ARIH2: variants seen among roughly 807,000 people sequenced by gnomAD.
ARIH2 encodes the protein ariadne RBR E3 ubiquitin protein ligase 2.
In ARIH2, 12 loss-of-function variants were observed where a neutral mutation model predicts 79.8. The observed-to-expected ratio is 0.15, with a 90% CI of 0.10 to 0.24. The LOEUF (loss-of-function observed/expected upper bound fraction) is 0.24. Among genes scored for constraint, ARIH2 ranks in the 10% least tolerant of loss-of-function variants. The pLI is 1.00. For synonymous variants in ARIH2, 224 were observed against 213.9 expected (o/e 1.05, Z -0.41); for missense variants, 301 against 618.3 (o/e 0.49, Z 5.44).
chr3:48,919,284 T>C, intron 1 of ARIH2: 1 of 1,094,740 alleles, frequency 9.1e-7, no homozygotes, highest in Non-Finnish European at 1.2e-6. Flanking sequence ...TCTCTCCCTG[T>C]CTGGCGCGGC....
intron 2 of ARIH2, among the ~76,000 whole-genome samples, chr3:48,923,355 G>A (rs1013016049): frequency 2.6e-5 from 4 of 151,014 alleles, no homozygotes; most frequent in Non-Finnish European, 4.4e-5. Context: ...AGCTGAGATC[G>A]TGCCACTGCA....
intron 3 of ARIH2, among the ~76,000 whole-genome samples, chr3:48,946,019 G>A (rs1295831310): frequency 6.6e-6 from 1 of 152,146 alleles, no homozygotes; most frequent in Non-Finnish European, 1.5e-5. Context: ...TTTGATTTCA[G>A]TTCTCTAGTC....
At chr3:48,942,969 G>C (rs760928318) in intron 3 of ARIH2, among the ~76,000 whole-genome samples, 3 of 151,730 alleles carry the variant, frequency 2.0e-5, no homozygotes, top group Non-Finnish European at 4.4e-5. Flanking sequence ...TGTATTTATG[G>C]GGTTTCACCA....
chr3:48,976,792 A>G (rs2092525622), intron 11 of ARIH2, among the ~76,000 whole-genome samples: 2 of 152,218 alleles, frequency 1.3e-5, no homozygotes, highest in Non-Finnish European at 2.9e-5. Flanking sequence ...CTTGACACCC[A>G]GAGTTCACTG....
chr3:48,959,480 T>C (rs1162811217), intron 3 of ARIH2, among the ~76,000 whole-genome samples: 4 of 151,280 alleles, frequency 2.6e-5, no homozygotes, highest in Non-Finnish European at 4.4e-5. Context: ...AGAAGAAATA[T>C]CAGCCATAAT....
intron 3 of ARIH2, 139 bp from the exon 4 acceptor site, chr3:48,961,473 G>A (rs2091255924): frequency 5.7e-6 from 3 of 526,164 alleles, no homozygotes; most frequent in Non-Finnish European, 6.9e-6. Context: ...AAAAGACAAA[G>A]CAGAGAACCA....
intron 3 of ARIH2, chr3:48,935,040 A>C: frequency 1.4e-6 from 1 of 713,910 alleles, no homozygotes; most frequent in Non-Finnish European, 1.7e-6. Context: ...ACAGTATTTA[A>C]GAAAATAATA....
In ARIH2 at chr3:48,918,886, A is replaced by G. The variant is rs2084284356; in HGVS notation, c.-274A>G. The G allele has an allele frequency of 1.2e-6, 2 of 1,605,922 alleles. No homozygotes were observed. The highest frequency in any genetic ancestry group is 1.1e-5 in the South Asian group (1 of 90,718). Reference sequence around the variant, plus strand: ...TTCTGGAGGAAGCAGCGCGGGCTTGACCGGCGTCGGCCCGCCGCCTCCGCT... The same window carrying G: ...TTCTGGAGGAAGCAGCGCGGGCTTGGCCGGCGTCGGCCCGCCGCCTCCGCT... On this transcript the variant is annotated 5_prime_UTR_variant, in exon 1 of 16. Transcript: ENST00000356401.
intron 3 of ARIH2, among the ~76,000 whole-genome samples, chr3:48,934,030 A>G (rs1433834469): frequency 6.6e-6 from 1 of 152,132 alleles, no homozygotes; most frequent in Non-Finnish European, 1.5e-5. Context: ...TTTTTTTAAA[A>G]ATCTGGTGTT....
intron 3 of ARIH2, among the ~76,000 whole-genome samples, chr3:48,952,280 T>C (rs1217747132): frequency 3.9e-5 from 6 of 152,096 alleles, no homozygotes; most frequent in Admixed American, 3.9e-4. Flanking sequence ...GAGAAACATA[T>C]GGGGGTTCTG....
At chr3:48,977,197 G>A (rs572916872) in intron 11 of ARIH2, among the ~76,000 whole-genome samples, 104 of 152,050 alleles carry the variant, frequency 6.8e-4, no homozygotes, top group East Asian at 2.3e-3. Flanking sequence ...GTGAGACTCC[G>A]TCTCAAAAAC....
At chr3:48,933,335 G>A (rs1176256874) in intron 3 of ARIH2, among the ~76,000 whole-genome samples, 1 of 151,626 alleles carries the variant, frequency 6.6e-6, no homozygotes, top group Admixed American at 6.6e-5. Context: ...GTGTGTGTGT[G>A]TGTTTTTGGT....
rs139420792 is a variant in ARIH2 at position 48,928,277 on chromosome 3, G to A, written c.255+464G>A. On this transcript the variant is annotated intron_variant, in intron 3 of 15. Coordinates refer to ENST00000356401, the MANE Select transcript of ARIH2 (RefSeq NM_006321.4). ...GGGCTAATGAGCTCATTTGTTTCAT[G>A]TACTGATTTTAATAATAATTCTTTC... Among the ~76,000 whole-genome samples, 51 of 152,282 alleles carry A rather than the reference G, an allele frequency of 3.3e-4. 1 individual carries two copies. Among genetic ancestry groups the A allele is most frequent in the Admixed American group, 2.2e-3 (34 of 15,298 alleles).
At position 48,984,542 on chromosome 3, in the gene ARIH2, C is replaced by T. The variant is rs1225757584; in HGVS notation, c.*1272C>T. ...ACAGACCAGCTTTTGCACAATGAAG[C>T]GCAAGGGAACAAGTGGTTTGCCTGG... On this transcript the variant is annotated 3_prime_UTR_variant, in exon 16 of 16. Coordinates refer to ENST00000356401, the MANE Select transcript of ARIH2 (RefSeq NM_006321.4). 6.6e-6 allele frequency: 1 copy of T among 152,218 alleles called. No individual in the cohort carries two copies. The highest frequency in any genetic ancestry group is 1.5e-5 in the Non-Finnish European group (1 of 68,052). The allele number at this position is 152,218 out of a possible 1,614,324, so 9.4% of individuals were successfully genotyped here. A position where few individuals can be genotyped will look rare whatever the true frequency, so the allele number is the denominator to read the frequency against.
intron 5 of ARIH2, 151 bp downstream of exon 5, chr3:48,965,133 TTA>T: frequency 1.8e-6 from 1 of 565,112 alleles, no homozygotes; most frequent in Non-Finnish European, 3.1e-6. Context: ...GGCGGGTGGA[TTA>T]CGAGGTCAGG....
At chr3:48,956,439 CTTTTTTTTTT>C (rs34693818) in intron 3 of ARIH2, among the ~76,000 whole-genome samples, 15 of 36,260 alleles carry the variant, frequency 4.1e-4, no homozygotes, top group African/African-American at 1.1e-3. Context: ...GCGCCCGGCA[CTTTTTTTTTT>C]TTTTTTTTTT....
chr3:48,979,679 C>T, intron 12 of ARIH2, 46 bp downstream of exon 12: 3 of 1,602,022 alleles, frequency 1.9e-6, no homozygotes, highest in Non-Finnish European at 8.5e-7. Flanking sequence ...AGGCTTCTTC[C>T]ACTTGGCCTG....
intron 12 of ARIH2, chr3:48,980,057 G>A (rs769868372): frequency 1.1e-5 from 3 of 268,730 alleles, no homozygotes; most frequent in Admixed American, 1.0e-4. Flanking sequence ...AGCCCAAAGA[G>A]CCCCATGCAT....
At chr3:48,978,481 A>ATG (rs1444641987) in intron 11 of ARIH2, among the ~76,000 whole-genome samples, 1 of 49,334 alleles carries the variant, frequency 2.0e-5, no homozygotes, top group South Asian at 1.2e-3. Context: ...ATATATATAT[A>ATG]TATTTTTTTT....
Sources: allele counts gnomAD v4.1 joint callset (sites outside exome capture counted in the v4.1 genomes callset), GRCh38; gene constraint gnomAD v4.1.1; transcripts MANE v1.5; gene names NCBI Gene and HGNC (gene_info 2026-07-23, HGNC 2026-07-21).